The following GPC5 variants were observed in gnomAD, a reference collection of about 807,000 sequenced individuals.
GPC5 encodes the protein glypican-5.
GPC5 carries 47 observed loss-of-function variants against 53.9 expected under a neutral mutation model. The ratio of observed to expected loss-of-function variants is 0.87; its 90% confidence interval spans 0.69 to 1.11. The LOEUF (loss-of-function observed/expected upper bound fraction) is 1.11. Among genes scored for constraint, GPC5 ranks in the 50% most tolerant of loss-of-function variants. The probability of loss-of-function intolerance (pLI) is 0.00; values close to 1 mark genes in which losing one functional copy is unlikely to be tolerated. For synonymous variants in GPC5, 286 were observed against 263.3 expected (o/e 1.09, Z -0.84); for missense variants, 748 against 713.1 (o/e 1.05, Z -0.56).
At chr13:92,164,432 T>C (rs1270434281) in intron 7 of GPC5, among the ~76,000 whole-genome samples, 2 of 152,146 alleles carry the variant, frequency 1.3e-5, no homozygotes, top group South Asian at 2.1e-4. Flanking sequence ...CAAAATCCAA[T>C]AGGGCAGTCA....
At chr13:92,833,898 T>C (rs948604333) in intron 7 of GPC5, among the ~76,000 whole-genome samples, 11 of 152,120 alleles carry the variant, frequency 7.2e-5, no homozygotes, top group Non-Finnish European at 1.5e-4. Flanking sequence ...AGGAACAAGA[T>C]TATAGAAGGC....
At chr13:92,072,058 T>A (rs1394938661) in intron 6 of GPC5, among the ~76,000 whole-genome samples, 4 of 146,266 alleles carry the variant, frequency 2.7e-5, no homozygotes, top group Non-Finnish European at 6.0e-5. Flanking sequence ...ATTCATATAT[T>A]TTATTTATAT....
At chr13:92,108,332 C>A (rs149706639) in intron 6 of GPC5, among the ~76,000 whole-genome samples, 35 of 152,156 alleles carry the variant, frequency 2.3e-4, no homozygotes, top group Non-Finnish European at 4.9e-4. Context: ...TCACATGTAT[C>A]GACAGTAATT....
chr13:91,475,660 T>G (rs1394737359), intron 2 of GPC5, among the ~76,000 whole-genome samples: 1 of 151,866 alleles, frequency 6.6e-6, no homozygotes, highest in East Asian at 1.9e-4. Flanking sequence ...TGTAGAACTC[T>G]TCCTGGTGTA....
chr13:92,609,124 A>G (rs1208515880), intron 7 of GPC5, among the ~76,000 whole-genome samples: 1 of 152,176 alleles, frequency 6.6e-6, no homozygotes, highest in Non-Finnish European at 1.5e-5. Context: ...TTGTCATACT[A>G]CATTCTAGCT....
intron 2 of GPC5, among the ~76,000 whole-genome samples, chr13:91,618,708 AGTT>A (rs1263232104): frequency 6.6e-6 from 1 of 151,772 alleles, no homozygotes; most frequent in Non-Finnish European, 1.5e-5. Flanking sequence ...TAAGTTTGGA[AGTT>A]GTTGTTGCCT....
chr13:92,415,490 G>T (rs1474606079), intron 7 of GPC5, among the ~76,000 whole-genome samples: 1 of 152,108 alleles, frequency 6.6e-6, no homozygotes, highest in Non-Finnish European at 1.5e-5. Flanking sequence ...TTCTATGACT[G>T]GATCCATGAA....
At chr13:92,391,296 T>C (rs943037425) in intron 7 of GPC5, among the ~76,000 whole-genome samples, 3 of 152,140 alleles carry the variant, frequency 2.0e-5, no homozygotes, top group Admixed American at 1.3e-4. Context: ...CACAATTCTA[T>C]TAGTTTTGAA....
At chr13:91,734,263 A>G (rs1405866148) in intron 4 of GPC5, among the ~76,000 whole-genome samples, 1 of 151,368 alleles carries the variant, frequency 6.6e-6, no homozygotes, top group Non-Finnish European at 1.5e-5. Flanking sequence ...ATTGATGTTC[A>G]TCAGGGATAT....
At chr13:92,551,413 A>G (rs1168551030) in intron 7 of GPC5, among the ~76,000 whole-genome samples, 8 of 151,922 alleles carry the variant, frequency 5.3e-5, no homozygotes, top group South Asian at 4.1e-4. Context: ...AAGGAAAAAA[A>G]AAATCTTGAA....
rs143295394 is a variant in GPC5, at chr13:92,072,777, G to C, written c.1402-72053G>C. The stretch of plus-strand genomic sequence containing the variant: ...TGTAGTAGAGGTGGGGTTTATGTTG[G>C]CCAGGCTGGTCTTGAATTCCTGCCC... On this transcript the variant is annotated intron_variant, in intron 6 of 7. Coordinates refer to ENST00000377067, the MANE Select transcript of GPC5 (RefSeq NM_004466.6). Among the ~76,000 whole-genome samples the C allele has an allele frequency of 3.8e-3, 570 of 151,602 alleles. 4 individuals are homozygous for C. Among genetic ancestry groups the C allele is most frequent in the African/African-American group, 0.013 (549 of 41,320 alleles).
chr13:92,571,701 T>C (rs923424019), intron 7 of GPC5, among the ~76,000 whole-genome samples: 2 of 152,158 alleles, frequency 1.3e-5, no homozygotes, highest in Non-Finnish European at 2.9e-5. Flanking sequence ...GAAACTGCAT[T>C]CCAAATCCAA....
At chr13:92,143,709 A>G (rs1480789636) in intron 6 of GPC5, among the ~76,000 whole-genome samples, 1 of 152,160 alleles carries the variant, frequency 6.6e-6, no homozygotes, top group African/African-American at 2.4e-5. Context: ...GAATTTCACA[A>G]TCCAGTTACT....
chr13:91,726,682 C>T (rs2036582012), intron 3 of GPC5, among the ~76,000 whole-genome samples: 1 of 152,162 alleles, frequency 6.6e-6, no homozygotes, highest in African/African-American at 2.4e-5. Context: ...TCTATCAAAT[C>T]CATATCCAAG....
intron 1 of GPC5, among the ~76,000 whole-genome samples, chr13:91,447,269 G>C (rs1037754917): frequency 6.7e-6 from 1 of 149,390 alleles, no homozygotes; most frequent in African/African-American, 2.5e-5. Flanking sequence ...CTCTATTATT[G>C]CTTTTCTCTG....
intron 7 of GPC5, among the ~76,000 whole-genome samples, chr13:92,498,260 C>G (rs1406350150): frequency 6.6e-6 from 1 of 151,966 alleles, no homozygotes; most frequent in Non-Finnish European, 1.5e-5. Flanking sequence ...TCCCCTGATT[C>G]TTTTCTTGGG....
chr13:91,405,834 A>C (rs1004047498), intron 1 of GPC5, among the ~76,000 whole-genome samples: 6 of 152,120 alleles, frequency 3.9e-5, no homozygotes, highest in African/African-American at 1.4e-4. Flanking sequence ...GCAGTGGTAT[A>C]ATTACAGCTC....
intron 7 of GPC5, among the ~76,000 whole-genome samples, chr13:92,560,195 A>G (rs1882650150): frequency 6.6e-6 from 1 of 151,986 alleles, no homozygotes; most frequent in African/African-American, 2.4e-5. Flanking sequence ...AATAAAATCT[A>G]TTAGTAAATG....
intron 7 of GPC5, among the ~76,000 whole-genome samples, chr13:92,742,719 G>A (rs1889138069): frequency 6.6e-6 from 1 of 151,980 alleles, no homozygotes. Flanking sequence ...GTTTAGGTCT[G>A]ACATTTAAGT....
Sources: gnomAD v4.1 joint callset for allele counts (sites outside exome capture counted in the v4.1 genomes callset) on GRCh38, gnomAD v4.1.1 for gene constraint, MANE v1.5 for transcripts, NCBI Gene and HGNC (gene_info 2026-07-23, HGNC 2026-07-21) for gene names.